The following TULP4 variants were observed in gnomAD, a reference collection of about 807,000 sequenced individuals.
TULP4 encodes the protein tubby-related protein 4.
A neutral mutation model predicts 129.0 loss-of-function variants in TULP4; 16 were observed. The observed-to-expected ratio is 0.12, with a 90% CI of 0.08 to 0.19. The LOEUF (loss-of-function observed/expected upper bound fraction) is 0.19, where lower values mean the gene tolerates loss of function less well. Ranked by LOEUF, TULP4 falls within the 10% of genes least tolerant of loss-of-function variation. TULP4 has a pLI of 1.00. For synonymous variants in TULP4, 998 were observed against 854.0 expected, an observed-to-expected ratio of 1.17 and a Z score of -2.94; for missense variants, 1,842 against 2,059.1, an observed-to-expected ratio of 0.89 and a Z score of 2.04.
At chr6:158,443,385 G>A (rs144114918) in intron 3 of TULP4, among the ~76,000 whole-genome samples, 1,667 of 152,180 alleles carry the variant, frequency 0.011, 33 homozygotes, top group African/African-American at 0.037. Context: ...CCAAAGTCCT[G>A]GGATTACAGG....
At chr6:158,256,636 T>C (rs1211272947) in intron 1 of TULP4, among the ~76,000 whole-genome samples, 1 of 152,242 alleles carries the variant, frequency 6.6e-6, no homozygotes, top group African/African-American at 2.4e-5. Context: ...CTCACTCTTA[T>C]ACATATGGAT....
intron 9 of TULP4, among the ~76,000 whole-genome samples, chr6:158,490,540 T>C (rs1190781643): frequency 6.6e-6 from 1 of 152,170 alleles, no homozygotes. Context: ...AAAACTAAGG[T>C]ATAAGTTACA....
intron 1 of TULP4, among the ~76,000 whole-genome samples, chr6:158,268,040 T>C (rs1414845039): frequency 2.0e-5 from 3 of 146,832 alleles, no homozygotes; most frequent in African/African-American, 5.0e-5. Flanking sequence ...TTTTTCTTTT[T>C]TTTTTTTTTT....
intron 1 of TULP4, among the ~76,000 whole-genome samples, chr6:158,296,721 A>G (rs975389639): frequency 2.0e-5 from 3 of 152,152 alleles, no homozygotes; most frequent in Admixed American, 2.0e-4. Flanking sequence ...GGAATTTTAC[A>G]GCTGGGCTGC....
intron 1 of TULP4, among the ~76,000 whole-genome samples, chr6:158,234,484 T>A: frequency 6.6e-6 from 1 of 152,216 alleles, no homozygotes; most frequent in Middle Eastern, 3.2e-3. Context: ...GTGGAGTGGC[T>A]ACCATGTGCA....
chr6:158,275,373 G>A (rs1778626525), intron 1 of TULP4, among the ~76,000 whole-genome samples: 1 of 152,244 alleles, frequency 6.6e-6, no homozygotes, highest in African/African-American at 2.4e-5. Context: ...TACAGGGAGA[G>A]AAGCTGAGCC....
chr6:158,479,340 A>T (rs1299489095), intron 6 of TULP4, among the ~76,000 whole-genome samples: 1 of 152,228 alleles, frequency 6.6e-6, no homozygotes, highest in Non-Finnish European at 1.5e-5. Context: ...ATGACCCCAA[A>T]TTAAATGAAA....
chr6:158,261,099 G>C (rs4710157), intron 1 of TULP4, among the ~76,000 whole-genome samples: 1 of 151,986 alleles, frequency 6.6e-6, no homozygotes, highest in Non-Finnish European at 1.5e-5. Context: ...GAGTATAGGA[G>C]TGAGCCACTG....
intron 1 of TULP4, among the ~76,000 whole-genome samples, chr6:158,380,748 G>A (rs993684666): frequency 3.3e-5 from 5 of 151,892 alleles, no homozygotes; most frequent in Admixed American, 2.6e-4. Flanking sequence ...ACAAAAATTA[G>A]CCAGGCATGG....
chr6:158,252,950 T>C (rs1254459854), intron 1 of TULP4, among the ~76,000 whole-genome samples: 1 of 152,218 alleles, frequency 6.6e-6, no homozygotes, highest in Admixed American at 6.5e-5. Flanking sequence ...TATGGTAATT[T>C]AGATGGAAAA....
chr6:158,471,106 G>C (rs187079125), intron 6 of TULP4, among the ~76,000 whole-genome samples: 1 of 152,348 alleles, frequency 6.6e-6, no homozygotes, highest in Admixed American at 6.5e-5. Flanking sequence ...GTTTAATCTG[G>C]AAGAGACAGA....
chr6:158,239,322 C>A (rs1777801135), intron 1 of TULP4, among the ~76,000 whole-genome samples: 1 of 56,866 alleles, frequency 1.8e-5, no homozygotes, highest in African/African-American at 5.8e-5. Context: ...GCAGAGGCGC[C>A]CCTCACCTCC....
intron 1 of TULP4, among the ~76,000 whole-genome samples, chr6:158,357,371 T>C (rs1480146735): frequency 1.3e-5 from 2 of 152,238 alleles, no homozygotes; most frequent in Non-Finnish European, 2.9e-5. Context: ...GTCATTTGTT[T>C]GTGGTCCATC....
intron 12 of TULP4, 100 bp from the exon 13 acceptor site, chr6:158,501,578 T>A: frequency 8.1e-7 from 1 of 1,233,334 alleles, no homozygotes; most frequent in Non-Finnish European, 1.1e-6. Flanking sequence ...TGCATTTTGT[T>A]TACAGAAGGA....
intron 1 of TULP4, chr6:158,238,325 G>A: frequency 1.2e-6 from 1 of 853,296 alleles, no homozygotes; most frequent in Non-Finnish European, 2.0e-6. Context: ...GGTGAGAGAT[G>A]CTCGGGACTT....
intron 1 of TULP4, among the ~76,000 whole-genome samples, chr6:158,337,678 T>C (rs1299539652): frequency 6.6e-6 from 1 of 152,090 alleles, no homozygotes; most frequent in Non-Finnish European, 1.5e-5. Context: ...TGCAAACAAA[T>C]AGAAACAACA....
At chr6:158,401,906 T>C (rs778469009) in intron 1 of TULP4, among the ~76,000 whole-genome samples, 2 of 152,186 alleles carry the variant, frequency 1.3e-5, no homozygotes, top group Non-Finnish European at 2.9e-5. Context: ...CTCAATATGG[T>C]TGAAAATTAA....
At chr6:158,382,685 A>C (rs527756124) in intron 1 of TULP4, among the ~76,000 whole-genome samples, 4 of 152,344 alleles carry the variant, frequency 2.6e-5, no homozygotes, top group Admixed American at 2.0e-4. Context: ...GAAATGAGAT[A>C]CCTTAAATCA....
intron 7 of TULP4, among the ~76,000 whole-genome samples, chr6:158,480,593 G>T (rs1476509980): frequency 6.6e-6 from 1 of 152,270 alleles, no homozygotes; most frequent in Non-Finnish European, 1.5e-5. Context: ...GTTTTCCCAA[G>T]TGGTTCTCTT....
Sources: gnomAD v4.1 joint callset for allele counts (sites outside exome capture counted in the v4.1 genomes callset) on GRCh38, gnomAD v4.1.1 for gene constraint, MANE v1.5 for transcripts, NCBI Gene and HGNC (gene_info 2026-07-23, HGNC 2026-07-21) for gene names.